Variants in MOGAT1 observed in about 807,000 individuals in gnomAD.
The protein encoded by MOGAT1 is monoacylglycerol O-acyltransferase 1, also known as 2-acylglycerol O-acyltransferase 1.
A neutral mutation model predicts 31.4 loss-of-function variants in MOGAT1; 32 were observed. The ratio of observed to expected loss-of-function variants is 1.02; its 90% CI spans 0.77 to 1.37. The LOEUF (loss-of-function observed/expected upper bound fraction) is 1.37. MOGAT1 is among the 40% of genes most tolerant of loss of function. MOGAT1 has a pLI of 0.00. For missense variants in MOGAT1, 426 were observed against 402.0 expected (o/e 1.06, Z -0.51); for synonymous variants, 145 against 144.5 (o/e 1.00, Z -0.03).
rs1358748018 is a variant in MOGAT1, at chr2:222,675,398, A to G, written c.94+3519A>G. On this transcript the variant is annotated intron_variant, in intron 1 of 5. Transcript: ENST00000446656. ...CCGAGGTGATGACTGGCATGCTGCAATCTTTCATCTAGTGATTTAAGTCAT... is the reference window on the plus strand; with the variant it reads ...CCGAGGTGATGACTGGCATGCTGCAGTCTTTCATCTAGTGATTTAAGTCAT... Among the ~76,000 whole-genome samples the G allele has an allele frequency of 3.9e-5, 6 of 152,216 alleles. No homozygotes were observed. The East Asian group carries it at 7.7e-4, about 20-fold the overall frequency.
chr2:222,685,586 T>TTTC (rs1472488785), intron 1 of MOGAT1, among the ~76,000 whole-genome samples: 30 of 150,182 alleles, frequency 2.0e-4, no homozygotes, highest in African/African-American at 5.7e-4. Context: ...TTTATAGTGT[T>TTTC]TTCTTCTTCT....
In MOGAT1 at chr2:222,695,267, AG is replaced by A. The variant is rs199514206; in HGVS notation, c.834del (p.Ala280ProfsTer16). ...GTACAATTTTGGCCTAATGACCTAT[AG>A]GAAAGCCATCCACACTGTTGGTATG... ...FQYNFGLMTY[R>X]KAIHTVVGRP... On this transcript the variant is annotated frameshift_variant, in exon 5 of 6. Coordinates refer to ENST00000446656, the MANE Select transcript of MOGAT1 (RefSeq NM_058165.3). LOFTEE classifies it low-confidence loss of function (END_TRUNC). The A allele has an allele frequency of 0.015, 24,618 of 1,612,356 alleles. 248 individuals carry two copies. Among genetic ancestry groups the A allele is most frequent in the Non-Finnish European group, 0.018 (21,507 of 1,178,906 alleles).
In MOGAT1 at chr2:222,676,662, A is replaced by G. The variant is rs142004675; in HGVS notation, c.94+4783A>G. Among the ~76,000 whole-genome samples, 59 of 152,302 alleles carry G rather than the reference A, an allele frequency of 3.9e-4. No individual in the cohort carries two copies. The East Asian group carries it at 0.01, about 26-fold the overall frequency. On this transcript the variant is annotated intron_variant, in intron 1 of 5. Transcript: ENST00000446656. ...AGGTTTAACTTTTCCAGAAACCACC[A>G]AAGTTTCTTCCAAAGTATTATATCA...
At chr2:222,679,501 A>C (rs763153883) in intron 1 of MOGAT1, among the ~76,000 whole-genome samples, 7 of 152,242 alleles carry the variant, frequency 4.6e-5, no homozygotes, top group Non-Finnish European at 1.0e-4. Context: ...ATTTGTAGAA[A>C]ACTAACTGAA....
At chr2:222,675,858 G>T (rs1692489867) in intron 1 of MOGAT1, among the ~76,000 whole-genome samples, 1 of 151,984 alleles carries the variant, frequency 6.6e-6, no homozygotes, top group Non-Finnish European at 1.5e-5. Flanking sequence ...ATTCTTACAG[G>T]AAATAAAGGA....
intron 5 of MOGAT1, among the ~76,000 whole-genome samples, chr2:222,703,259 G>A (rs901012733): frequency 1.3e-5 from 2 of 152,220 alleles, no homozygotes; most frequent in Admixed American, 1.3e-4. Flanking sequence ...CTCTTGGCCT[G>A]TCTCCACATC....
At chr2:222,709,026 A>T (rs7581592) in intron 5 of MOGAT1, among the ~76,000 whole-genome samples, 73,122 of 151,950 alleles carry the variant, frequency 0.48, 18,449 homozygotes, top group Middle Eastern at 0.63. Flanking sequence ...TGTATTTTTT[A>T]ATTGTTTAGA....
At chr2:222,683,215 A>G (rs1011014963) in intron 1 of MOGAT1, among the ~76,000 whole-genome samples, 1 of 151,580 alleles carries the variant, frequency 6.6e-6, no homozygotes, top group African/African-American at 2.4e-5. Flanking sequence ...GAAAAAAAAA[A>G]AAAAGAAACA....
chr2:222,678,126 C>T (rs926793077), intron 1 of MOGAT1: 57 of 179,132 alleles, frequency 3.2e-4, no homozygotes, highest in Non-Finnish European at 5.1e-4. Flanking sequence ...ATCTGTCACA[C>T]ACTGCTTTGC....
intron 5 of MOGAT1, among the ~76,000 whole-genome samples, chr2:222,699,777 C>T (rs1463982593): frequency 6.6e-6 from 1 of 152,068 alleles, no homozygotes; most frequent in Non-Finnish European, 1.5e-5. Context: ...GGATTACAGG[C>T]GTGAGCCACC....
intron 5 of MOGAT1, among the ~76,000 whole-genome samples, chr2:222,705,924 AT>A (rs1692999037): frequency 2.6e-5 from 4 of 152,188 alleles, no homozygotes; most frequent in Admixed American, 2.6e-4. Context: ...TAGTAAAGGT[AT>A]GATTATAATC....
chr2:222,687,374 C>G (rs2106036188), intron 1 of MOGAT1, among the ~76,000 whole-genome samples: 1 of 152,206 alleles, frequency 6.6e-6, no homozygotes, highest in African/African-American at 2.4e-5. Flanking sequence ...GAGAAAGCAG[C>G]AACGGCATTC....
intron 5 of MOGAT1, among the ~76,000 whole-genome samples, chr2:222,707,219 C>CAAGG (rs201300805): frequency 0.02 from 2,382 of 116,314 alleles, 74 homozygotes; most frequent in African/African-American, 0.075. Context: ...GAAAGAAAAA[C>CAAGG]AAGGAAGGAA....
At chr2:222,700,793 T>C (rs967839610) in intron 5 of MOGAT1, among the ~76,000 whole-genome samples, 1 of 152,092 alleles carries the variant, frequency 6.6e-6, no homozygotes, top group Non-Finnish European at 1.5e-5. Context: ...GCTGAAACAG[T>C]GATGTAAATG....
intron 1 of MOGAT1, chr2:222,677,822 C>G (rs539552970): frequency 1.9e-5 from 5 of 266,084 alleles, no homozygotes; most frequent in African/African-American, 1.1e-4. Context: ...TTTGCTAATG[C>G]CTTCTGGGTA....
intron 5 of MOGAT1, among the ~76,000 whole-genome samples, chr2:222,709,174 C>G (rs1342835677): frequency 6.6e-6 from 1 of 152,022 alleles, no homozygotes; most frequent in African/African-American, 2.4e-5. Context: ...AAAAATTAGC[C>G]GGGCATGGTG....
chr2:222,694,260 G>C (rs193258257), intron 3 of MOGAT1, 102 bp from the exon 4 acceptor site: 1 of 1,120,098 alleles, frequency 8.9e-7, no homozygotes, highest in African/African-American at 1.6e-5. Context: ...AGCAGTGTAG[G>C]AAATTTTGTT....
At chr2:222,691,892 T>G (rs1657498023) in intron 3 of MOGAT1, among the ~76,000 whole-genome samples, 2 of 152,340 alleles carry the variant, frequency 1.3e-5, no homozygotes, top group South Asian at 4.1e-4. Context: ...TCTTGTCCCA[T>G]TTTGGGTGTA....
chr2:222,672,185 A>T (rs1692428001), intron 1 of MOGAT1, among the ~76,000 whole-genome samples: 1 of 152,200 alleles, frequency 6.6e-6, no homozygotes, highest in African/African-American at 2.4e-5. Flanking sequence ...ATCTACCAAA[A>T]TGTAACCATG....
Sources: allele counts gnomAD v4.1 joint callset (sites outside exome capture counted in the v4.1 genomes callset), GRCh38; gene constraint gnomAD v4.1.1; transcripts MANE v1.5; gene names NCBI Gene and HGNC (gene_info 2026-07-23, HGNC 2026-07-21).